The following NCR3LG1 variants were observed in gnomAD, a reference collection of about 807,000 sequenced individuals.
The protein encoded by NCR3LG1 is natural killer cell cytotoxicity receptor 3 ligand 1.
Under a neutral mutation model 34.8 loss-of-function variants are expected in NCR3LG1, and 35 were observed. That is an observed-to-expected ratio of 1.01 (90% CI 0.77 to 1.33). NCR3LG1 has a LOEUF of 1.33. Ranked by LOEUF, NCR3LG1 falls within the 40% of genes most tolerant of loss-of-function variation. The pLI, the probability that NCR3LG1 is intolerant of heterozygous loss-of-function variation, is 0.00. For missense variants in NCR3LG1, 452 were observed against 423.3 expected (o/e 1.07, Z -0.60); for synonymous variants, 173 against 163.6 (o/e 1.06, Z -0.44).
chr11:17,368,093 C>T (rs1382867337), intron 3 of NCR3LG1, among the ~76,000 whole-genome samples: 2 of 152,110 alleles, frequency 1.3e-5, no homozygotes, highest in African/African-American at 2.4e-5. Flanking sequence ...GCTGGGATTA[C>T]AGGTATGAGC....
intron 2 of NCR3LG1, among the ~76,000 whole-genome samples, chr11:17,362,696 CTTTCTTTCTTT>C (rs1564856403): frequency 0.087 from 511 of 5,878 alleles, 4 homozygotes; most frequent in Middle Eastern, 0.17. Flanking sequence ...TCCTTCCTTT[CTTTCTTTCTTT>C]CTTTCTTTCT....
At chr11:17,353,335 GAC>G (rs1953161205) in intron 1 of NCR3LG1, among the ~76,000 whole-genome samples, 1 of 152,256 alleles carries the variant, frequency 6.6e-6, no homozygotes, top group Non-Finnish European at 1.5e-5. Flanking sequence ...GTGAAAATAA[GAC>G]AGTTCCGAGT....
chr11:17,372,530 T>C lies in NCR3LG1; in HGVS notation c.*18T>C, dbSNP rs1374393566. ...TACAGTAAATGCCTGATGGACCTGG[T>C]GCCACTAGGGTCCAAGTTCCCTTTT... On this transcript the variant is annotated 3_prime_UTR_variant, in exon 5 of 5. Coordinates refer to ENST00000338965, the MANE Select transcript of NCR3LG1 (RefSeq NM_001202439.3). The C allele has an allele frequency of 3.0e-6, 2 of 671,060 alleles. No individual in the cohort carries two copies. Among genetic ancestry groups the C allele is most frequent in the Non-Finnish European group, 5.4e-6 (2 of 368,910 alleles). The allele number at this position is 671,060 out of a possible 1,614,324, so 41.6% of individuals were successfully genotyped here. A position where few individuals can be genotyped will look rare whatever the true frequency, so the allele number is the denominator to read the frequency against.
downstream of NCR3LG1, among the ~76,000 whole-genome samples, chr11:17,379,457 T>C (rs534883762): frequency 1.3e-5 from 2 of 152,312 alleles, no homozygotes; most frequent in South Asian, 2.1e-4. Flanking sequence ...TCAGCCAACT[T>C]AAGAAGACAG....
intron 1 of NCR3LG1, among the ~76,000 whole-genome samples, chr11:17,353,557 C>T (rs998373175): frequency 2.6e-5 from 4 of 152,204 alleles, no homozygotes; most frequent in Admixed American, 2.6e-4. Context: ...CGCCCCCTCC[C>T]GGGCCCGGCG....
intron 2 of NCR3LG1, among the ~76,000 whole-genome samples, chr11:17,358,046 GT>G (rs1260176860): frequency 6.6e-6 from 1 of 152,126 alleles, no homozygotes; most frequent in Non-Finnish European, 1.5e-5. Context: ...TTTAAGGACA[GT>G]TTTAGATTTA....
chr11:17,353,310 T>C (rs1953160990), intron 1 of NCR3LG1, among the ~76,000 whole-genome samples: 2 of 152,268 alleles, frequency 1.3e-5, no homozygotes, highest in Admixed American at 6.5e-5. Context: ...TTTCTATACA[T>C]TTGCAATAAG....
chr11:17,379,538 G>A (rs1591691133), downstream of NCR3LG1, among the ~76,000 whole-genome samples: 1 of 152,088 alleles, frequency 6.6e-6, no homozygotes, highest in African/African-American at 2.4e-5. Flanking sequence ...TTCCTCGTGT[G>A]CTTCTAATGG....
At chr11:17,355,183 G>A (rs986309961) in intron 1 of NCR3LG1, among the ~76,000 whole-genome samples, 7 of 152,146 alleles carry the variant, frequency 4.6e-5, no homozygotes, top group Admixed American at 2.0e-4. Context: ...GATTGCTTGA[G>A]CCCAGGAGTT....
intron 2 of NCR3LG1, among the ~76,000 whole-genome samples, chr11:17,364,986 A>G (rs1290589307): frequency 3.3e-5 from 5 of 152,162 alleles, no homozygotes; most frequent in African/African-American, 9.7e-5. Flanking sequence ...CTGTTTGTGC[A>G]TGTTATCTGC....
In NCR3LG1 at chr11:17,352,056, GTGGGC is replaced by G; in HGVS notation, c.70+22_70+26del. 1 of 1,449,198 alleles carries G rather than the reference GTGGGC, an allele frequency of 6.9e-7. No individual in the cohort carries two copies. Among genetic ancestry groups the G allele is most frequent in the Non-Finnish European group, 9.2e-7 (1 of 1,089,608 alleles). 89.8% of individuals were successfully genotyped at this position (1,449,198 alleles called of 1,614,324 possible). A position where few individuals can be genotyped will look rare whatever the true frequency, so the allele number is the denominator to read the frequency against. On this transcript the variant is annotated intron_variant, in intron 1 of 4. Coordinates refer to ENST00000338965, the MANE Select transcript of NCR3LG1 (RefSeq NM_001202439.3). ...CGACCGAAGGTAGGGGGCGGCTGGG[GTGGGC>G]TGGGGCGGGGGCTCCTGGCGCCAGA... is the stretch of plus-strand genomic sequence containing the variant.
chr11:17,357,182 G>A (rs1953220224), intron 2 of NCR3LG1, among the ~76,000 whole-genome samples, 181 bp downstream of exon 2: 1 of 152,170 alleles, frequency 6.6e-6, no homozygotes, highest in Admixed American at 6.5e-5. Context: ...TTGACTGGAT[G>A]CCTTTAAACA....
intron 2 of NCR3LG1, among the ~76,000 whole-genome samples, chr11:17,361,375 C>G (rs1376023245): frequency 6.6e-6 from 1 of 151,640 alleles, no homozygotes; most frequent in Non-Finnish European, 1.5e-5. Flanking sequence ...GCAACCTCTG[C>G]CTCCTGGGTT....
At chr11:17,356,301 C>G (rs1245238267) in intron 1 of NCR3LG1, among the ~76,000 whole-genome samples, 1 of 151,746 alleles carries the variant, frequency 6.6e-6, no homozygotes, top group Non-Finnish European at 1.5e-5. Context: ...CCACGCCTGG[C>G]TAATTTTTTG....
Position 17,374,373 on chromosome 11 carries a change from C to T in NCR3LG1, c.*1861C>T, listed in dbSNP as rs1219570477. 3.3e-5 allele frequency: 5 copies of T among 152,142 alleles called. No individual in the cohort carries two copies. Among genetic ancestry groups the T allele is most frequent in the Admixed American group, 3.3e-4 (5 of 15,260 alleles). The allele number at this position is 152,142 out of a possible 1,614,324, so 9.4% of individuals were successfully genotyped here. On this transcript the variant is annotated 3_prime_UTR_variant, in exon 5 of 5. Transcript: ENST00000338965. Reference sequence around the variant, plus strand: ...CTGCCTCAGGGATTTAGAGATAGCCCCCACCTATTTGGGCAAGTATTGTCA... The same window carrying T: ...CTGCCTCAGGGATTTAGAGATAGCCTCCACCTATTTGGGCAAGTATTGTCA...
At chr11:17,363,110 A>G (rs1953301034) in intron 2 of NCR3LG1, among the ~76,000 whole-genome samples, 1 of 145,024 alleles carries the variant, frequency 6.9e-6, no homozygotes, top group African/African-American at 2.6e-5. Flanking sequence ...TTTTTTTTTA[A>G]GAGATGGAGT....
chr11:17,351,997 T>C lies in NCR3LG1; in HGVS notation c.28T>C (p.Cys10Arg). Residue 10 changes from cysteine to arginine, a missense_variant, in exon 1 of 5, where the codon TGC becomes CGC. By Grantham distance (180) the Cys-to-Arg change is radical. Coordinates refer to ENST00000338965, the MANE Select transcript of NCR3LG1 (RefSeq NM_001202439.3). ...GACGTGGAGGGCTGCCGCCTCCACGTGCGCGGCGCTCCTGATTCTGCTGTG... is the reference window on the plus strand; with the variant it reads ...GACGTGGAGGGCTGCCGCCTCCACGCGCGCGGCGCTCCTGATTCTGCTGTG... The part of the protein sequence containing the change: MTWRAAAST[C>R]AALLILLWAL... 7.9e-7 allele frequency: 1 copy of C among 1,271,030 alleles called. No individual in the cohort carries two copies. The highest frequency in any genetic ancestry group is 1.0e-6 in the Non-Finnish European group (1 of 984,332). 78.7% of individuals were successfully genotyped at this position (1,271,030 alleles called of 1,614,324 possible).
Position 17,351,947 on chromosome 11 carries a change from A to T in NCR3LG1, c.-23A>T. ...CGCCTGCTCCCACTCGGCGAAAAAA[A>T]TTACACAACAGCAGCCGCGGCGATG... On this transcript the variant is annotated 5_prime_UTR_variant, in exon 1 of 5. Coordinates refer to ENST00000338965, the MANE Select transcript of NCR3LG1 (RefSeq NM_001202439.3). 6.6e-7 allele frequency: 1 copy of T among 1,520,256 alleles called. No homozygotes were observed. Among genetic ancestry groups the T allele is most frequent in the Non-Finnish European group, 8.8e-7 (1 of 1,137,098 alleles). The allele number at this position is 1,520,256 out of a possible 1,614,324, so 94.2% of individuals were successfully genotyped here.
chr11:17,364,552 C>CTT lies in NCR3LG1; in HGVS notation c.422-2447_422-2446dup, dbSNP rs552228731. ...TCACTGATTCTTTCCTTGTCAGTTT[C>CTT]TTTTTTTTTTTGAGACGGAGTTTTG... On this transcript the variant is annotated intron_variant, in intron 2 of 4. Coordinates refer to ENST00000338965, the MANE Select transcript of NCR3LG1 (RefSeq NM_001202439.3). Among the ~76,000 whole-genome samples the CTT allele has an allele frequency of 9.4e-3, 1,353 of 144,112 alleles. 22 individuals carry two copies. Among genetic ancestry groups the CTT allele is most frequent in the Middle Eastern group, 0.034 (9 of 264 alleles). 94.5% of individuals were successfully genotyped at this position (144,112 alleles called of 152,430 possible).
Sources: allele counts gnomAD v4.1 joint callset (sites outside exome capture counted in the v4.1 genomes callset), GRCh38; gene constraint gnomAD v4.1.1; transcripts MANE v1.5; gene names NCBI Gene and HGNC (gene_info 2026-07-23, HGNC 2026-07-21).